Variants in HPSE2 observed in about 807,000 individuals in gnomAD.
The protein encoded by HPSE2 is inactive heparanase-2.
In HPSE2, 38 loss-of-function variants were observed where a neutral mutation model predicts 60.5. That is an observed-to-expected ratio of 0.63 (90% CI 0.48 to 0.82). The LOEUF (loss-of-function observed/expected upper bound fraction) is 0.82. HPSE2 is among the 40% of genes least tolerant of loss of function. The pLI, the probability that HPSE2 is intolerant of heterozygous loss-of-function variation, is 0.00. For synonymous variants in HPSE2, 295 were observed against 293.2 expected, an observed-to-expected ratio of 1.01 and a Z score of -0.06; for missense variants, 713 against 740.4, an observed-to-expected ratio of 0.96 and a Z score of 0.43.
chr10:98,588,296 C>A (rs1192047895), intron 9 of HPSE2, among the ~76,000 whole-genome samples: 1 of 151,936 alleles, frequency 6.6e-6, no homozygotes, highest in Non-Finnish European at 1.5e-5. Context: ...ACATTGCCTG[C>A]ATCACAGAAA....
rs750836291 is a variant in HPSE2 at position 98,620,628 on chromosome 10, T to C, written c.1179A>G (p.Leu393=). 2 of 1,613,986 alleles carry C rather than the reference T, an allele frequency of 1.2e-6. No individual in the cohort carries two copies. The highest frequency in any genetic ancestry group is 3.3e-5 in the Admixed American group (2 of 60,012). The change falls in exon 8 of 12, where the codon CTA becomes CTG. Residue 393 remains leucine, a synonymous_variant. Transcript: ENST00000370552. The stretch of plus-strand genomic sequence containing the variant: ...AGAATCCTGCAGCATAGGAATCGGA[T>C]AGATTGTTTGTGCCTCCAGCTGAGG... The part of the protein sequence containing the change: ...VTTSAGGTNN[L]SDSYAAGFLW...
intron 3 of HPSE2, among the ~76,000 whole-genome samples, chr10:99,120,261 T>C (rs1045992884): frequency 2.0e-5 from 3 of 152,032 alleles, no homozygotes; most frequent in African/African-American, 7.2e-5. Context: ...AAAAAAACCA[T>C]TAAAAAGTGG....
chr10:98,460,448 G>C (rs959525696), intron 11 of HPSE2, among the ~76,000 whole-genome samples: 1 of 151,986 alleles, frequency 6.6e-6, no homozygotes, highest in African/African-American at 2.4e-5. Flanking sequence ...GCAACATAGC[G>C]AGACCCCATT....
intron 3 of HPSE2, among the ~76,000 whole-genome samples, chr10:98,894,813 C>T (rs1401737517): frequency 6.6e-6 from 1 of 151,480 alleles, no homozygotes; most frequent in Non-Finnish European, 1.5e-5. Context: ...AAGAAAAAGA[C>T]ATCTCCACCA....
chr10:98,831,595 G>T (rs1010211222), intron 3 of HPSE2, among the ~76,000 whole-genome samples: 1 of 152,138 alleles, frequency 6.6e-6, no homozygotes, highest in Middle Eastern at 3.2e-3. Flanking sequence ...TGGAAATTTG[G>T]GATTGTTCTC....
intron 3 of HPSE2, among the ~76,000 whole-genome samples, chr10:98,941,875 A>G (rs10159555): frequency 7.1e-6 from 1 of 139,876 alleles, no homozygotes; most frequent in Non-Finnish European, 1.5e-5. Context: ...CTGGTACCAA[A>G]ACAGAGATAT....
At chr10:98,495,174 T>G (rs1941790343) in intron 9 of HPSE2, among the ~76,000 whole-genome samples, 1 of 145,746 alleles carries the variant, frequency 6.9e-6, no homozygotes, top group South Asian at 2.1e-4. Context: ...TTGTTGACAG[T>G]TTTTTTTTTT....
At chr10:99,206,476 C>G (rs140561108) in intron 2 of HPSE2, among the ~76,000 whole-genome samples, 8 of 151,088 alleles carry the variant, frequency 5.3e-5, no homozygotes, top group Admixed American at 2.6e-4. Context: ...GCTATGGTCT[C>G]AGCTACCTGG....
chr10:99,134,329 T>G (rs1278142570), intron 3 of HPSE2, among the ~76,000 whole-genome samples: 1 of 152,152 alleles, frequency 6.6e-6, no homozygotes, highest in Non-Finnish European at 1.5e-5. Context: ...CTCCCCAACC[T>G]AGCAAGACAG....
intron 3 of HPSE2, among the ~76,000 whole-genome samples, chr10:99,139,291 G>C (rs1042555145): frequency 2.0e-5 from 3 of 152,030 alleles, no homozygotes; most frequent in Admixed American, 6.6e-5. Context: ...AGAAGCAGAA[G>C]GGGGAGAAAG....
rs1487980391 is a variant in HPSE2 at position 98,937,001 on chromosome 10, A to C, written c.611-192945T>G. 4.9e-4 allele frequency among the ~76,000 whole-genome samples: 69 copies of C among 141,394 alleles called. 11 individuals are homozygous for C. The highest frequency in any genetic ancestry group is 1.7e-3 in the African/African-American group (58 of 34,156). 92.8% of individuals were successfully genotyped at this position (141,394 alleles called of 152,430 possible). On this transcript the variant is annotated intron_variant, in intron 3 of 11. Transcript: ENST00000370552. ...CTCAAAAAAAAAAAAAAAAAAAAAAAAAAACAAGTTTTCCAACTTTTTGGA... is the reference window on the plus strand; with the variant it reads ...CTCAAAAAAAAAAAAAAAAAAAAAACAAAACAAGTTTTCCAACTTTTTGGA...
rs1956288249 is a variant in HPSE2 at position 98,984,499 on chromosome 10, CAT to C, written c.610+159737_610+159738del. On this transcript the variant is annotated intron_variant, in intron 3 of 11. Coordinates refer to ENST00000370552, the MANE Select transcript of HPSE2 (RefSeq NM_021828.5). ...CACCAAAACCCCATCTGTACGTCAC[CAT>C]CATCAAAGACTAAAGGTAGATAAAA... Among the ~76,000 whole-genome samples the C allele has an allele frequency of 5.9e-5, 9 of 152,276 alleles. No homozygotes were observed. In the South Asian group the frequency reaches 1.9e-3, roughly 32 times the overall value.
intron 3 of HPSE2, among the ~76,000 whole-genome samples, chr10:98,761,758 C>A (rs992889734): frequency 2.0e-5 from 3 of 152,144 alleles, no homozygotes; most frequent in African/African-American, 7.2e-5. Flanking sequence ...ACTTAACTTA[C>A]AATCTGGACA....
At chr10:99,302,218 G>A in the HPSE2 span, among the ~76,000 whole-genome samples, 2 of 152,142 alleles carry the variant, frequency 1.3e-5, no homozygotes, top group Admixed American at 6.5e-5. Flanking sequence ...CTCCAATTAG[G>A]AAAAGACTTA....
chr10:99,094,540 A>ATATATATTTT (rs1843646305), intron 3 of HPSE2, among the ~76,000 whole-genome samples: 1 of 26,612 alleles, frequency 3.8e-5, no homozygotes, highest in African/African-American at 1.7e-4. Context: ...ATATATATAT[A>ATATATATTTT]TTTTTTTTTT....
chr10:98,821,271 G>C (rs1453232887), intron 3 of HPSE2, among the ~76,000 whole-genome samples: 4 of 152,146 alleles, frequency 2.6e-5, no homozygotes, highest in African/African-American at 9.7e-5. Context: ...ATATTATAGA[G>C]TATACTTAAA....
At chr10:99,036,360 A>G (rs1254179902) in intron 3 of HPSE2, among the ~76,000 whole-genome samples, 1 of 152,194 alleles carries the variant, frequency 6.6e-6, no homozygotes, top group Non-Finnish European at 1.5e-5. Context: ...GTTGCTAGAA[A>G]GACAGGTGGT....
chr10:99,276,641 A>G, the HPSE2 span, among the ~76,000 whole-genome samples: 2 of 152,046 alleles, frequency 1.3e-5, no homozygotes. Flanking sequence ...ATAACTGATA[A>G]ATAGGATAAG....
At chr10:98,531,274 G>C (rs866883048) in intron 9 of HPSE2, among the ~76,000 whole-genome samples, 11 of 38,906 alleles carry the variant, frequency 2.8e-4, no homozygotes, top group Admixed American at 8.5e-4. Flanking sequence ...ATTTTAACTT[G>C]TTCCAGGAGG....
Sources: allele counts gnomAD v4.1 joint callset (sites outside exome capture counted in the v4.1 genomes callset), GRCh38; gene constraint gnomAD v4.1.1; transcripts MANE v1.5; gene names NCBI Gene and HGNC (gene_info 2026-07-23, HGNC 2026-07-21).